Variants in ARHGAP6 observed in about 807,000 individuals in gnomAD.
ARHGAP6 encodes rho GTPase-activating protein 6.
ARHGAP6 carries 16 observed loss-of-function variants against 55.7 expected under a neutral mutation model. That is an observed-to-expected ratio of 0.29 (90% CI 0.19 to 0.44). The LOEUF is 0.44. ARHGAP6 is among the 20% of genes least tolerant of loss of function. The pLI is 1.00. For missense variants in ARHGAP6, 698 were observed against 808.9 expected, an observed-to-expected ratio of 0.86 and a Z score of 1.66; for synonymous variants, 382 against 360.9, an observed-to-expected ratio of 1.06 and a Z score of -0.66.
chrX:11,276,976 C>T (rs967451310), intron 1 of ARHGAP6, among the ~76,000 whole-genome samples: 2 of 111,538 alleles, frequency 1.8e-5, no homozygotes, highest in Admixed American at 1.9e-4. Flanking sequence ...ACCATCATCA[C>T]TGATTCCAAA....
Position 11,606,811 on chromosome X carries a change from T to C in ARHGAP6, c.588+57430A>G, listed in dbSNP as rs182161221. Among the ~76,000 whole-genome samples the C allele has an allele frequency of 5.4e-3, 600 of 112,064 alleles. 1 individual carries two copies. The highest frequency in any genetic ancestry group is 8.4e-3 in the Non-Finnish European group (447 of 53,197). On this transcript the variant is annotated intron_variant, in intron 1 of 12. Transcript: ENST00000337414. The stretch of plus-strand genomic sequence containing the variant: ...TTCACTTTTGAATGAAACCTATATA[T>C]GAGGGGTAATTTAAAAGCTTAAATA...
intron 1 of ARHGAP6, among the ~76,000 whole-genome samples, chrX:11,650,475 A>T (rs2052572876): frequency 8.9e-6 from 1 of 111,911 alleles, no homozygotes; most frequent in East Asian, 2.8e-4. Context: ...ATTTTCTGTA[A>T]AAAAGGCTAT....
intron 1 of ARHGAP6, among the ~76,000 whole-genome samples, chrX:11,612,682 C>G (rs1276078073): frequency 8.9e-6 from 1 of 112,336 alleles, no homozygotes; most frequent in Admixed American, 9.4e-5. Context: ...TTATAAGCCA[C>G]CCAGTCAAAG....
At chrX:11,480,036 G>A (rs2050440856) in intron 1 of ARHGAP6, among the ~76,000 whole-genome samples, 1 of 111,254 alleles carries the variant, frequency 9.0e-6, no homozygotes, top group African/African-American at 3.3e-5. Context: ...GAAAGGAAAG[G>A]GAAATGTACG....
intron 7 of ARHGAP6, 145 bp from the exon 8 acceptor site, chrX:11,178,393 T>G: frequency 1.4e-6 from 1 of 699,271 alleles, no homozygotes; most frequent in Non-Finnish European, 2.0e-6. Flanking sequence ...CCCATTGCTT[T>G]AGCAATTTAC....
intron 1 of ARHGAP6, among the ~76,000 whole-genome samples, chrX:11,275,463 C>G (rs192884964): frequency 1.6e-4 from 18 of 111,682 alleles, no homozygotes; most frequent in Non-Finnish European, 2.6e-4. Context: ...CTATGTCTCT[C>G]CTACTCACAC....
chrX:11,577,661 AATG>A (rs2051616337), intron 1 of ARHGAP6, among the ~76,000 whole-genome samples: 1 of 111,639 alleles, frequency 9.0e-6, no homozygotes, highest in Non-Finnish European at 1.9e-5. Flanking sequence ...CATCTAATCC[AATG>A]ATATCTTTTT....
chrX:11,547,727 A>G (rs1326621967), intron 1 of ARHGAP6, among the ~76,000 whole-genome samples: 1 of 112,232 alleles, frequency 8.9e-6, no homozygotes, highest in Non-Finnish European at 1.9e-5. Context: ...CCTCAATAAA[A>G]AAGGCACAGG....
At chrX:11,218,963 T>A (rs754425721) in intron 2 of ARHGAP6, among the ~76,000 whole-genome samples, 2 of 108,217 alleles carry the variant, frequency 1.8e-5, no homozygotes, top group East Asian at 6.0e-4. Context: ...TGTATACATG[T>A]GCCATGCTGG....
At chrX:11,166,019 C>G (rs1046413571) in intron 9 of ARHGAP6, among the ~76,000 whole-genome samples, 1 of 112,041 alleles carries the variant, frequency 8.9e-6, no homozygotes, top group Non-Finnish European at 1.9e-5. Flanking sequence ...GATTTCCAAA[C>G]CAGTACCTGA....
chrX:11,407,261 T>C (rs1478269516), intron 1 of ARHGAP6, among the ~76,000 whole-genome samples: 1 of 112,094 alleles, frequency 8.9e-6, no homozygotes, highest in Non-Finnish European at 1.9e-5. Flanking sequence ...TGATCTCTTG[T>C]GTCCAGCTCA....
chrX:11,288,823 G>A (rs1311728338), intron 1 of ARHGAP6, among the ~76,000 whole-genome samples: 1 of 112,137 alleles, frequency 8.9e-6, no homozygotes, highest in African/African-American at 3.2e-5. Context: ...GTTGCTGTAT[G>A]GATCAGTGCT....
At chrX:11,368,440 T>C (rs2049108402) in intron 1 of ARHGAP6, among the ~76,000 whole-genome samples, 1 of 112,052 alleles carries the variant, frequency 8.9e-6, no homozygotes, top group Non-Finnish European at 1.9e-5. Flanking sequence ...CAGGGTTCCA[T>C]ATCTGTCAGA....
chrX:11,382,403 G>A (rs1248551964), intron 1 of ARHGAP6, among the ~76,000 whole-genome samples: 1 of 111,330 alleles, frequency 9.0e-6, no homozygotes, highest in East Asian at 2.8e-4. Context: ...GTGTTTTTAT[G>A]CTCAGATACA....
intron 1 of ARHGAP6, among the ~76,000 whole-genome samples, chrX:11,411,179 TTATTTATATATATA>T (rs2049675662): frequency 5.9e-5 from 1 of 17,063 alleles, no homozygotes. Context: ...CTGGCAGACA[TTATTTATATATATA>T]TATATATATA....
chrX:11,337,830 T>C (rs922234364), intron 1 of ARHGAP6, among the ~76,000 whole-genome samples: 1 of 112,492 alleles, frequency 8.9e-6, no homozygotes, highest in African/African-American at 3.2e-5. Flanking sequence ...AGAGGTTTAT[T>C]TTGGTTCAAA....
intron 1 of ARHGAP6, among the ~76,000 whole-genome samples, chrX:11,618,547 T>G (rs1267986344): frequency 8.9e-6 from 1 of 112,139 alleles, no homozygotes. Flanking sequence ...TCCCTAAAAC[T>G]GCTTTACCCA....
chrX:11,316,074 G>T (rs1329688022), intron 1 of ARHGAP6, among the ~76,000 whole-genome samples: 1 of 112,087 alleles, frequency 8.9e-6, no homozygotes, highest in Non-Finnish European at 1.9e-5. Context: ...CAATCTGTCA[G>T]TAAATCTTGT....
chrX:11,216,465 C>T (rs965251102), intron 2 of ARHGAP6, among the ~76,000 whole-genome samples: 7 of 111,083 alleles, frequency 6.3e-5, no homozygotes, highest in Middle Eastern at 9.2e-3. Flanking sequence ...ACCAGCCTGG[C>T]GAAAATGGTG....
Sources: allele counts gnomAD v4.1 joint callset (sites outside exome capture counted in the v4.1 genomes callset), GRCh38; gene constraint gnomAD v4.1.1; transcripts MANE v1.5; gene names NCBI Gene and HGNC (gene_info 2026-07-23, HGNC 2026-07-21).